Variants in SLCO2A1 observed in about 807,000 individuals in gnomAD.
SLCO2A1 encodes solute carrier organic anion transporter family member 2A1.
A neutral mutation model predicts 71.7 loss-of-function variants in SLCO2A1; 60 were observed. The ratio of observed to expected loss-of-function variants is 0.84; its 90% CI spans 0.68 to 1.04. The LOEUF (loss-of-function observed/expected upper bound fraction) is 1.04, where lower values mean the gene tolerates loss of function less well. Among genes scored for constraint, SLCO2A1 ranks in the 50% least tolerant of loss-of-function variants. The probability of loss-of-function intolerance (pLI) is 0.00; values close to 1 mark genes in which losing one functional copy is unlikely to be tolerated. For synonymous variants in SLCO2A1, 308 were observed against 326.7 expected, an observed-to-expected ratio of 0.94 and a Z score of 0.62; for missense variants, 745 against 813.4, an observed-to-expected ratio of 0.92 and a Z score of 1.02.
At chr3:134,015,352 C>A (rs1318510170) in intron 1 of SLCO2A1, among the ~76,000 whole-genome samples, 1 of 150,724 alleles carries the variant, frequency 6.6e-6, no homozygotes, top group Admixed American at 6.6e-5. Context: ...AAGACAAATA[C>A]CTCATGATCT....
rs1553760491 is a variant in SLCO2A1, at chr3:134,029,474, A to ACACG, written c.96+232_96+233insCGTG. On this transcript the variant is annotated intron_variant, in intron 1 of 13. Coordinates refer to ENST00000310926, the MANE Select transcript of SLCO2A1 (RefSeq NM_005630.3). ...TACTTAGTCCGATGAAGGCGTGTGAACACACACACACACACTCGCACGCAC... is the reference window on the plus strand; with the variant it reads ...TACTTAGTCCGATGAAGGCGTGTGAACACGCACACACACACACACTCGCACGCAC... 6.5e-4 allele frequency among the ~76,000 whole-genome samples: 7 copies of ACACG among 10,750 alleles called. No homozygotes were observed. In the East Asian group the frequency reaches 0.23, roughly 358 times the overall value. The allele number at this position is 10,750 out of a possible 152,430, so 7.1% of individuals were successfully genotyped here. A position where few individuals can be genotyped will look rare whatever the true frequency, so the allele number is the denominator to read the frequency against.
At chr3:134,023,568 GTC>G (rs1400967338) in intron 1 of SLCO2A1, among the ~76,000 whole-genome samples, 5 of 152,176 alleles carry the variant, frequency 3.3e-5, no homozygotes, top group Non-Finnish European at 5.9e-5. Flanking sequence ...GCCATAGTTG[GTC>G]CAATGTTCTG....
chr3:134,016,877 C>A (rs1935465614), intron 1 of SLCO2A1, among the ~76,000 whole-genome samples: 1 of 152,114 alleles, frequency 6.6e-6, no homozygotes, highest in South Asian at 2.1e-4. Context: ...TATTGATACA[C>A]AAAACAACTT....
At chr3:133,990,588 C>G (rs1689037537) in intron 1 of SLCO2A1, among the ~76,000 whole-genome samples, 1 of 152,142 alleles carries the variant, frequency 6.6e-6, no homozygotes, top group African/African-American at 2.4e-5. Context: ...TTCCAAAATG[C>G]CTGGTGTGTC....
chr3:133,975,826 T>C (rs1334868355), intron 2 of SLCO2A1, among the ~76,000 whole-genome samples: 1 of 152,216 alleles, frequency 6.6e-6, no homozygotes, highest in African/African-American at 2.4e-5. Context: ...AGAAGGTCTT[T>C]CTCTGACCTC....
At chr3:134,011,727 AG>A in intron 1 of SLCO2A1, among the ~76,000 whole-genome samples, 1 of 152,320 alleles carries the variant, frequency 6.6e-6, no homozygotes, top group South Asian at 2.1e-4. Context: ...CTGGCAATGA[AG>A]CCAGGGAATG....
intron 2 of SLCO2A1, 91 bp from the exon 3 acceptor site, chr3:133,973,916 C>A (rs1383980079): frequency 7.5e-7 from 1 of 1,326,714 alleles, no homozygotes; most frequent in Non-Finnish European, 1.0e-6. Flanking sequence ...TCCAGGAAAA[C>A]TGGAAAGGGA....
chr3:133,966,222 CCACTACAG>C (rs1362611177), intron 3 of SLCO2A1, among the ~76,000 whole-genome samples: 1 of 152,176 alleles, frequency 6.6e-6, no homozygotes. Context: ...AACTTTTGTG[CCACTACAG>C]CAAAGTTGAA....
At chr3:134,026,116 C>T (rs1935696738) in intron 1 of SLCO2A1, among the ~76,000 whole-genome samples, 2 of 152,014 alleles carry the variant, frequency 1.3e-5, no homozygotes, top group African/African-American at 4.8e-5. Flanking sequence ...ATTTCTAGGT[C>T]CTAAAAGCCT....
In SLCO2A1 at chr3:133,979,745, C is replaced by T. The variant is rs982069761; in HGVS notation, c.97-127G>A. The T allele has an allele frequency of 9.1e-6, 9 of 987,952 alleles. No homozygotes were observed. The African/African-American group carries it at 1.3e-4, about 14-fold the overall frequency. The allele number at this position is 987,952 out of a possible 1,614,324, so 61.2% of individuals were successfully genotyped here. ...GCCTGTTATCTAGGAGCAGTTACTT[C>T]CCAGGGTCTCCAGGATGAAACGTCA... On this transcript the variant is annotated intron_variant, in intron 1 of 13. Coordinates refer to ENST00000310926, the MANE Select transcript of SLCO2A1 (RefSeq NM_005630.3).
At chr3:133,960,212 C>A (rs902243083) in intron 3 of SLCO2A1, among the ~76,000 whole-genome samples, 1 of 152,106 alleles carries the variant, frequency 6.6e-6, no homozygotes, top group Non-Finnish European at 1.5e-5. Flanking sequence ...TGAGTATATA[C>A]CCCCAAAAAT....
At position 134,023,549 on chromosome 3, in the gene SLCO2A1, A is replaced by C. The variant is rs145214829; in HGVS notation, c.96+6158T>G. Among the ~76,000 whole-genome samples the C allele has an allele frequency of 2.7e-3, 407 of 152,100 alleles. 7 individuals are homozygous for C. The highest frequency in any genetic ancestry group is 9.4e-3 in the African/African-American group (390 of 41,554). ...CCAGAAGTCTTGCCCCCCGATGTAGAGCTTTCATGCCATAGTTGGTCCAAT... is the reference window on the plus strand; with the variant it reads ...CCAGAAGTCTTGCCCCCCGATGTAGCGCTTTCATGCCATAGTTGGTCCAAT... On this transcript the variant is annotated intron_variant, in intron 1 of 13. Transcript: ENST00000310926.
At chr3:134,013,901 G>T (rs997328278) in intron 1 of SLCO2A1, among the ~76,000 whole-genome samples, 2 of 151,886 alleles carry the variant, frequency 1.3e-5, no homozygotes, top group African/African-American at 4.8e-5. Context: ...CTCCCCTCAC[G>T]CACCTTGTCC....
At position 133,934,532 on chromosome 3, in the gene SLCO2A1, G is replaced by A; in HGVS notation, c.*181C>T. Reference sequence around the variant, plus strand: ...GCCCACACAGCCCGGGTACACAGTGGCCCTTAGGAACTGTGGGGAGGACTC... The same window carrying A: ...GCCCACACAGCCCGGGTACACAGTGACCCTTAGGAACTGTGGGGAGGACTC... On this transcript the variant is annotated 3_prime_UTR_variant, in exon 14 of 14. Transcript: ENST00000310926. 2 of 532,448 alleles carry A rather than the reference G, an allele frequency of 3.8e-6. No homozygotes were observed. Among genetic ancestry groups the A allele is most frequent in the South Asian group, 4.3e-5 (2 of 46,452 alleles). The allele number at this position is 532,448 out of a possible 1,614,324, so 33.0% of individuals were successfully genotyped here. A position where few individuals can be genotyped will look rare whatever the true frequency, so the allele number is the denominator to read the frequency against.
At chr3:133,951,152 C>T in intron 6 of SLCO2A1, 56 bp downstream of exon 6, 3 of 1,608,964 alleles carry the variant, frequency 1.9e-6, no homozygotes, top group Non-Finnish European at 2.6e-6. Flanking sequence ...ATTTTCTACC[C>T]CCACATCCCT....
At chr3:133,966,989 A>C (rs1934195100) in intron 3 of SLCO2A1, among the ~76,000 whole-genome samples, 1 of 152,186 alleles carries the variant, frequency 6.6e-6, no homozygotes, top group Non-Finnish European at 1.5e-5. Flanking sequence ...AGGATGCCCA[A>C]AGCCACTGGA....
At chr3:133,956,427 C>T (rs900730238) in intron 3 of SLCO2A1, among the ~76,000 whole-genome samples, 1 of 152,198 alleles carries the variant, frequency 6.6e-6, no homozygotes, top group Non-Finnish European at 1.5e-5. Flanking sequence ...GGTGTCTATG[C>T]AGGACACATT....
Position 133,955,045 on chromosome 3 carries a change from G to T in SLCO2A1, c.546C>A (p.Ile182=). Residue 182 remains isoleucine, a synonymous_variant, in exon 4 of 14, where the codon ATC becomes ATA. Coordinates refer to ENST00000310926, the MANE Select transcript of SLCO2A1 (RefSeq NM_005630.3). Reference sequence around the variant, plus strand: ...CAAATGGCTGAATAGGCACTGTCCCGATGCCAGCCAGCAGCTGGGCAACCA... The same window carrying T: ...CAAATGGCTGAATAGGCACTGTCCCTATGCCAGCCAGCAGCTGGGCAACCA... ...LMVVAQLLAG[I]GTVPIQPFGI... The T allele has an allele frequency of 6.2e-7, 1 of 1,614,144 alleles. No individual in the cohort carries two copies. The highest frequency in any genetic ancestry group is 8.5e-7 in the Non-Finnish European group (1 of 1,180,018).
chr3:133,942,079 C>T (rs1056798636), intron 11 of SLCO2A1, among the ~76,000 whole-genome samples: 24 of 152,178 alleles, frequency 1.6e-4, no homozygotes, highest in African/African-American at 3.1e-4. Flanking sequence ...CTGCAACCTC[C>T]GCCTCCTGGG....
Sources: gnomAD v4.1 joint callset for allele counts (sites outside exome capture counted in the v4.1 genomes callset) on GRCh38, gnomAD v4.1.1 for gene constraint, MANE v1.5 for transcripts, NCBI Gene and HGNC (gene_info 2026-07-23, HGNC 2026-07-21) for gene names.